SCLT1: variants seen among roughly 807,000 people sequenced by gnomAD.
SCLT1 encodes sodium channel-associated protein 1.
SCLT1 carries 78 observed loss-of-function variants against 112.8 expected under a neutral mutation model. The ratio of observed to expected loss-of-function variants is 0.69; its 90% CI spans 0.58 to 0.83. SCLT1 has a LOEUF of 0.83. Ranked by LOEUF, SCLT1 falls within the 40% of genes least tolerant of loss-of-function variation. The pLI, the probability that SCLT1 is intolerant of heterozygous loss-of-function variation, is 0.00. For synonymous variants in SCLT1, 257 were observed against 254.7 expected (o/e 1.01, Z -0.09); for missense variants, 747 against 770.4 (o/e 0.97, Z 0.36).
chr4:128,888,601 C>T, intron 20 of SCLT1, 78 bp downstream of exon 20: 1 of 732,032 alleles, frequency 1.4e-6, no homozygotes, highest in Non-Finnish European at 2.3e-6. Context: ...TAAAAATAAA[C>T]TATTAAGTTC....
At chr4:129,020,991 C>A (rs940010766) in intron 5 of SCLT1, among the ~76,000 whole-genome samples, 2 of 152,176 alleles carry the variant, frequency 1.3e-5, no homozygotes, top group Non-Finnish European at 2.9e-5. Context: ...CAGCTCCGGT[C>A]TGCAGCTCCC....
chr4:129,084,297 G>A (rs1056832999), intron 1 of SCLT1, among the ~76,000 whole-genome samples: 1 of 152,070 alleles, frequency 6.6e-6, no homozygotes, highest in Non-Finnish European at 1.5e-5. Flanking sequence ...AAAAACCACA[G>A]ATACATACTT....
intron 18 of SCLT1, among the ~76,000 whole-genome samples, chr4:128,912,558 T>C (rs1735181450): frequency 1.3e-5 from 2 of 151,916 alleles, no homozygotes; most frequent in African/African-American, 4.9e-5. Flanking sequence ...GTATTATTTA[T>C]GTTCTCCAAA....
chr4:129,014,368 G>A (rs1744809504), intron 5 of SCLT1, among the ~76,000 whole-genome samples: 1 of 152,114 alleles, frequency 6.6e-6, no homozygotes, highest in Admixed American at 6.5e-5. Flanking sequence ...GGGTAGATTA[G>A]AGGAAAAAAG....
intron 9 of SCLT1, among the ~76,000 whole-genome samples, chr4:128,974,003 C>T (rs943191290): frequency 6.6e-6 from 1 of 152,140 alleles, no homozygotes; most frequent in African/African-American, 2.4e-5. Flanking sequence ...GGTATGTGAA[C>T]TGGGCCAATC....
chr4:128,929,405 C>T (rs978345548), intron 18 of SCLT1, among the ~76,000 whole-genome samples: 1 of 151,984 alleles, frequency 6.6e-6, no homozygotes, highest in Non-Finnish European at 1.5e-5. Context: ...TTTATAGAGT[C>T]AACAGAATTC....
intron 14 of SCLT1, among the ~76,000 whole-genome samples, chr4:128,950,150 T>TTACTATATGAAGTAAG (rs1738595608): frequency 6.6e-6 from 1 of 152,174 alleles, no homozygotes; most frequent in South Asian, 2.1e-4. Flanking sequence ...GTTGCTTATC[T>TTACTATATGAAGTAAG]AGGAGAGGGT....
At chr4:128,984,904 T>C (rs879550112) in intron 9 of SCLT1, among the ~76,000 whole-genome samples, 24 of 151,486 alleles carry the variant, frequency 1.6e-4, no homozygotes, top group Non-Finnish European at 2.7e-4. Flanking sequence ...TATCCTCAGA[T>C]ATACACATTT....
At chr4:129,081,403 TC>T (rs2125772993) in intron 2 of SCLT1, among the ~76,000 whole-genome samples, 1 of 152,316 alleles carries the variant, frequency 6.6e-6, no homozygotes, top group South Asian at 2.1e-4. Flanking sequence ...CTCCTTTGTC[TC>T]CGCTGGACTC....
At chr4:128,943,223 C>G (rs1737861094) in intron 16 of SCLT1, 35 bp from the exon 17 acceptor site, 1 of 1,419,470 alleles carries the variant, frequency 7.0e-7, no homozygotes, top group South Asian at 1.2e-5. Flanking sequence ...AATCCTTAAA[C>G]TTAATGATCT....
In SCLT1 at chr4:129,008,901, G is replaced by T. The variant is rs61702015; in HGVS notation, c.291-5025C>A. Among the ~76,000 whole-genome samples the T allele has an allele frequency of 4.8e-3, 733 of 152,286 alleles. 4 individuals carry two copies. The highest frequency in any genetic ancestry group is 0.016 in the African/African-American group (666 of 41,562). ...CATCATTTAGCTCCCACTTATAAGT[G>T]AGAACATGAAGTATTTGCTTTTCTG... On this transcript the variant is annotated intron_variant, in intron 5 of 20. Transcript: ENST00000281142.
intron 18 of SCLT1, among the ~76,000 whole-genome samples, chr4:128,916,705 A>G (rs957631812): frequency 2.6e-5 from 4 of 152,216 alleles, no homozygotes; most frequent in African/African-American, 7.2e-5. Context: ...AACACAGTGT[A>G]AAAACAAATC....
intron 15 of SCLT1, among the ~76,000 whole-genome samples, chr4:128,946,553 T>G (rs1040382076): frequency 6.6e-6 from 1 of 152,128 alleles, no homozygotes; most frequent in African/African-American, 2.4e-5. Flanking sequence ...GTCTGGATAA[T>G]CGGGCAAGAC....
At chr4:129,017,871 G>A (rs1441512290) in intron 5 of SCLT1, among the ~76,000 whole-genome samples, 1 of 152,194 alleles carries the variant, frequency 6.6e-6, no homozygotes, top group Non-Finnish European at 1.5e-5. Context: ...TGATCTCTAT[G>A]TTCCAGTGTA....
chr4:129,082,238 C>A, intron 2 of SCLT1, 68 bp downstream of exon 2: 1 of 646,124 alleles, frequency 1.5e-6, no homozygotes, highest in Non-Finnish European at 2.6e-6. Flanking sequence ...AGTTGTAAGC[C>A]AAGTTTCAAA....
intron 6 of SCLT1, among the ~76,000 whole-genome samples, chr4:129,000,135 G>A (rs528013432): frequency 3.4e-4 from 51 of 151,730 alleles, no homozygotes; most frequent in Non-Finnish European, 6.0e-4. Context: ...CTGCCTCCTG[G>A]TAAAGTACAA....
intron 20 of SCLT1, among the ~76,000 whole-genome samples, chr4:128,885,709 A>T (rs535959503): frequency 2.6e-5 from 4 of 152,318 alleles, no homozygotes; most frequent in Admixed American, 2.6e-4. Flanking sequence ...ATACATTTAC[A>T]GTTTTTGAAA....
At chr4:128,877,814 G>T (rs753693049) in intron 3 of SCLT1, among the ~76,000 whole-genome samples, 4 of 152,170 alleles carry the variant, frequency 2.6e-5, no homozygotes, top group Non-Finnish European at 5.9e-5. Context: ...CTGGTTAAAA[G>T]ACTTTGAGTA....
At chr4:128,901,369 T>C (rs4975280) in intron 18 of SCLT1, among the ~76,000 whole-genome samples, 5,185 of 152,200 alleles carry the variant, frequency 0.034, 140 homozygotes, top group Admixed American at 0.058. Flanking sequence ...ATGTCCTTTG[T>C]AGGGACATGG....
Sources: allele counts gnomAD v4.1 joint callset (sites outside exome capture counted in the v4.1 genomes callset), GRCh38; gene constraint gnomAD v4.1.1; transcripts MANE v1.5; gene names NCBI Gene and HGNC (gene_info 2026-07-23, HGNC 2026-07-21).